Variants in PIP5K1B observed in about 807,000 individuals in gnomAD.
PIP5K1B encodes the protein phosphatidylinositol-4-phosphate 5-kinase type 1 beta.
PIP5K1B carries 42 observed loss-of-function variants against 67.0 expected under a neutral mutation model. The ratio of observed to expected loss-of-function variants is 0.63; its 90% CI spans 0.49 to 0.81. PIP5K1B has a LOEUF of 0.81. Among genes scored for constraint, PIP5K1B ranks in the 30% least tolerant of loss-of-function variants. The pLI is 0.00. For synonymous variants in PIP5K1B, 214 were observed against 231.4 expected, an observed-to-expected ratio of 0.92 and a Z score of 0.68; for missense variants, 459 against 646.3, an observed-to-expected ratio of 0.71 and a Z score of 3.14.
At position 68,795,376 on chromosome 9, in the gene PIP5K1B, T is replaced by C. The variant is rs573968739; in HGVS notation, c.-85-23085T>C. Reference sequence around the variant, plus strand: ...GATTAGAAAGGAATTCTCTATAAAATTGTAAAGTTATTTATTCAGAAAACT... The same window carrying C: ...GATTAGAAAGGAATTCTCTATAAAACTGTAAAGTTATTTATTCAGAAAACT... On this transcript the variant is annotated intron_variant, in intron 2 of 15. Coordinates refer to ENST00000265382, the MANE Select transcript of PIP5K1B (RefSeq NM_003558.4). Among the ~76,000 whole-genome samples, 16 of 152,282 alleles carry C rather than the reference T, an allele frequency of 1.1e-4. No homozygotes were observed. In the South Asian group the frequency reaches 2.3e-3, roughly 22 times the overall value.
intron 14 of PIP5K1B, among the ~76,000 whole-genome samples, chr9:68,989,289 T>C (rs1309493728): frequency 6.6e-6 from 1 of 152,114 alleles, no homozygotes; most frequent in African/African-American, 2.4e-5. Flanking sequence ...CTCAGTGGCC[T>C]CCTGTTCAGC....
chr9:68,894,317 T>G (rs1824968114), intron 7 of PIP5K1B, 22 bp from the exon 8 acceptor site: 4 of 1,463,728 alleles, frequency 2.7e-6, no homozygotes, highest in Non-Finnish European at 3.8e-6. Context: ...TGTAAATATA[T>G]TTTTCTTTTT....
At chr9:68,771,357 G>A (rs983420047) in intron 2 of PIP5K1B, among the ~76,000 whole-genome samples, 2 of 152,164 alleles carry the variant, frequency 1.3e-5, no homozygotes, top group African/African-American at 4.8e-5. Flanking sequence ...TTTCTGATAA[G>A]CAGAATGGCT....
At chr9:68,794,713 AT>A (rs1254934067) in intron 2 of PIP5K1B, among the ~76,000 whole-genome samples, 1 of 150,354 alleles carries the variant, frequency 6.7e-6, no homozygotes, top group African/African-American at 2.5e-5. Flanking sequence ...AAAAAAAAAA[AT>A]AGTTCATTGT....
intron 4 of PIP5K1B, among the ~76,000 whole-genome samples, chr9:68,833,565 C>T (rs900086602): frequency 1.3e-5 from 2 of 151,834 alleles, no homozygotes; most frequent in South Asian, 2.1e-4. Flanking sequence ...GACACTGCCC[C>T]CCCACCCCCC....
intron 14 of PIP5K1B, among the ~76,000 whole-genome samples, chr9:68,958,628 C>A (rs760583794): frequency 6.6e-6 from 1 of 152,054 alleles, no homozygotes; most frequent in Non-Finnish European, 1.5e-5. Context: ...CTTTTTTTCT[C>A]CTATTCAATC....
At chr9:68,858,648 A>G (rs1298212311) in intron 4 of PIP5K1B, among the ~76,000 whole-genome samples, 2 of 152,212 alleles carry the variant, frequency 1.3e-5, no homozygotes, top group Non-Finnish European at 2.9e-5. Flanking sequence ...AGAACCCATT[A>G]GAGGGCTTCA....
intron 1 of PIP5K1B, among the ~76,000 whole-genome samples, chr9:68,710,492 A>G (rs962804825): frequency 3.3e-5 from 5 of 152,150 alleles, no homozygotes; most frequent in Admixed American, 6.5e-5. Context: ...GTTCCTTTTC[A>G]TATATAAGAT....
intron 2 of PIP5K1B, among the ~76,000 whole-genome samples, chr9:68,799,365 A>G (rs970566761): frequency 2.6e-5 from 4 of 152,224 alleles, no homozygotes; most frequent in Admixed American, 2.6e-4. Context: ...CAAAATCCCA[A>G]TGGTATTGTT....
intron 1 of PIP5K1B, among the ~76,000 whole-genome samples, chr9:68,716,168 T>G (rs2184117): frequency 0.73 from 110,696 of 152,190 alleles, 41,423 homozygotes; most frequent in African/African-American, 0.91. Context: ...GAGGAAAGAA[T>G]ATGGACATGC....
At chr9:68,989,686 A>G (rs961463170) in intron 14 of PIP5K1B, among the ~76,000 whole-genome samples, 5 of 152,116 alleles carry the variant, frequency 3.3e-5, no homozygotes, top group African/African-American at 9.7e-5. Context: ...TTAACACTAT[A>G]AAAATGGAGC....
intron 2 of PIP5K1B, among the ~76,000 whole-genome samples, chr9:68,801,737 A>G (rs926855274): frequency 6.6e-6 from 1 of 152,226 alleles, no homozygotes; most frequent in Non-Finnish European, 1.5e-5. Flanking sequence ...ATGCTCCAAA[A>G]CAAGCCCAAT....
intron 5 of PIP5K1B, among the ~76,000 whole-genome samples, chr9:68,866,938 G>T (rs925151220): frequency 3.3e-5 from 5 of 152,168 alleles, no homozygotes; most frequent in African/African-American, 1.2e-4. Context: ...AGGCAATATT[G>T]CTGGGGTCAA....
intron 5 of PIP5K1B, among the ~76,000 whole-genome samples, chr9:68,871,085 A>G (rs930113339): frequency 6.6e-6 from 1 of 152,338 alleles, no homozygotes; most frequent in East Asian, 1.9e-4. Flanking sequence ...CTAAAACCCC[A>G]TAAACAAAGC....
At chr9:68,766,926 G>T (rs983296646) in intron 2 of PIP5K1B, among the ~76,000 whole-genome samples, 12 of 152,136 alleles carry the variant, frequency 7.9e-5, no homozygotes, top group African/African-American at 2.7e-4. Context: ...AACCATGAAA[G>T]AAATAAAAAT....
At chr9:68,790,530 T>G (rs1237635511) in intron 2 of PIP5K1B, among the ~76,000 whole-genome samples, 2 of 152,154 alleles carry the variant, frequency 1.3e-5, no homozygotes, top group African/African-American at 4.8e-5. Flanking sequence ...TATAACAGAA[T>G]AAGGTTAAGC....
intron 4 of PIP5K1B, among the ~76,000 whole-genome samples, chr9:68,828,789 A>G (rs7851399): frequency 0.79 from 119,862 of 152,060 alleles, 47,338 homozygotes; most frequent in Admixed American, 0.85. Flanking sequence ...AAACCTTTCT[A>G]TGGCCGAGCA....
chr9:68,748,490 C>T (rs1829437771), intron 2 of PIP5K1B, among the ~76,000 whole-genome samples: 2 of 152,172 alleles, frequency 1.3e-5, no homozygotes, highest in East Asian at 1.9e-4. Context: ...TTGTATTCTT[C>T]AGACACTCAT....
chr9:68,869,543 A>G (rs946958077), intron 5 of PIP5K1B, among the ~76,000 whole-genome samples: 3 of 152,216 alleles, frequency 2.0e-5, no homozygotes, highest in Admixed American at 2.0e-4. Context: ...TTTTGTAAAT[A>G]AGGTTTAATT....
Sources: allele counts gnomAD v4.1 joint callset (sites outside exome capture counted in the v4.1 genomes callset), GRCh38; gene constraint gnomAD v4.1.1; transcripts MANE v1.5; gene names NCBI Gene and HGNC (gene_info 2026-07-23, HGNC 2026-07-21).